The following SUGCT variants were observed in gnomAD, a reference collection of about 807,000 sequenced individuals.
SUGCT encodes succinyl-CoA:glutarate-CoA transferase.
A neutral mutation model predicts 55.0 loss-of-function variants in SUGCT; 41 were observed. The observed-to-expected ratio is 0.74, with a 90% confidence interval of 0.58 to 0.97. The LOEUF (loss-of-function observed/expected upper bound fraction) is 0.97. Among genes scored for constraint, SUGCT ranks in the 50% least tolerant of loss-of-function variants. The pLI, the probability that SUGCT is intolerant of heterozygous loss-of-function variation, is 0.00. For synonymous variants in SUGCT, 187 were observed against 200.4 expected (o/e 0.93, Z 0.56); for missense variants, 568 against 547.8 (o/e 1.04, Z -0.37).
chr7:40,336,842 G>C (rs1322620759), intron 9 of SUGCT, among the ~76,000 whole-genome samples: 2 of 150,362 alleles, frequency 1.3e-5, no homozygotes, highest in Non-Finnish European at 2.9e-5. Flanking sequence ...TGTGATGTTA[G>C]GGTGTCAATT....
intron 8 of SUGCT, among the ~76,000 whole-genome samples, chr7:40,297,258 C>T (rs988098499): frequency 3.9e-5 from 6 of 151,976 alleles, no homozygotes; most frequent in Admixed American, 2.0e-4. Context: ...TTACCTAAAG[C>T]GTTTACTTTT....
chr7:40,537,516 TA>T (rs1017118704), intron 12 of SUGCT, among the ~76,000 whole-genome samples: 1 of 152,030 alleles, frequency 6.6e-6, no homozygotes, highest in Non-Finnish European at 1.5e-5. Flanking sequence ...AACAAAAGAA[TA>T]AAAAAATGTA....
At chr7:40,272,105 A>G (rs1414666572) in intron 7 of SUGCT, among the ~76,000 whole-genome samples, 2 of 127,588 alleles carry the variant, frequency 1.6e-5, no homozygotes, top group Non-Finnish European at 1.6e-5. Context: ...CTATATATAT[A>G]TATATATGGA....
rs1800531853 is a variant in SUGCT, at chr7:40,646,677, T to G, written c.1090-102757T>G. 2.0e-5 allele frequency among the ~76,000 whole-genome samples: 3 copies of G among 152,152 alleles called. No individual in the cohort carries two copies. In the South Asian group the frequency reaches 6.2e-4, roughly 32 times the overall value. ...TACTTTCATCCTTGAAGTTTTTAAT[T>G]TATTGTCACCTCCACAAACAGGCCT... is the stretch of plus-strand genomic sequence containing the variant. On this transcript the variant is annotated intron_variant, in intron 12 of 13. Coordinates refer to ENST00000335693, the MANE Select transcript of SUGCT (RefSeq NM_001193313.2).
the SUGCT span, among the ~76,000 whole-genome samples, chr7:40,926,099 T>TAA: frequency 6.8e-6 from 1 of 146,112 alleles, no homozygotes; most frequent in Non-Finnish European, 1.5e-5. Flanking sequence ...AGTTCCTGTT[T>TAA]AAAAAAAAAA....
rs181361049 is a variant in SUGCT at position 40,339,052 on chromosome 7, C to T, written c.816+22197C>T. Among the ~76,000 whole-genome samples, 956 of 152,310 alleles carry T rather than the reference C, an allele frequency of 6.3e-3. 31 individuals carry two copies. The highest frequency in any genetic ancestry group is 0.057 in the Admixed American group (872 of 15,294). ...GCCTGGGTATCAGCAGTGGAGGCTA[C>T]AGAACAGTGAACATTGCTGAACAGC... On this transcript the variant is annotated intron_variant, in intron 9 of 13. Transcript: ENST00000335693.
intron 12 of SUGCT, among the ~76,000 whole-genome samples, chr7:40,568,633 C>A (rs548489472): frequency 6.0e-4 from 91 of 152,230 alleles, no homozygotes; most frequent in African/African-American, 2.1e-3. Flanking sequence ...CATGGCTTGT[C>A]CAGACATCTT....
the SUGCT span, chr7:40,965,010 G>A: frequency 0.88 from 134,044 of 152,254 alleles, 59,140 homozygotes; most frequent in African/African-American, 0.93. Flanking sequence ...AGACCGATAA[G>A]AGCTTCATAT....
chr7:40,242,309 G>A (rs563270904), intron 7 of SUGCT, among the ~76,000 whole-genome samples: 1 of 152,060 alleles, frequency 6.6e-6, no homozygotes, highest in South Asian at 2.1e-4. Context: ...CAGTAGCTGG[G>A]ATTATAGGCA....
intron 9 of SUGCT, among the ~76,000 whole-genome samples, chr7:40,330,301 A>C (rs1017257737): frequency 6.6e-6 from 1 of 152,158 alleles, no homozygotes; most frequent in Non-Finnish European, 1.5e-5. Flanking sequence ...TCTTGTAGGG[A>C]GTTAGTTTCA....
At chr7:40,390,063 G>T (rs948382314) in intron 9 of SUGCT, among the ~76,000 whole-genome samples, 1 of 152,086 alleles carries the variant, frequency 6.6e-6, no homozygotes, top group Admixed American at 6.5e-5. Flanking sequence ...ATGCAGAAAA[G>T]GCCTTCGACA....
chr7:40,802,304 A>G (rs1325250952), intron 13 of SUGCT, among the ~76,000 whole-genome samples: 2 of 151,834 alleles, frequency 1.3e-5, no homozygotes, highest in Non-Finnish European at 2.9e-5. Context: ...TGGTGTCAGC[A>G]CTCAGACACA....
At chr7:40,212,843 G>C (rs1474587416) in intron 6 of SUGCT, among the ~76,000 whole-genome samples, 1 of 152,050 alleles carries the variant, frequency 6.6e-6, no homozygotes, top group Non-Finnish European at 1.5e-5. Flanking sequence ...TATAGTTGAA[G>C]ATTTTAATGC....
At chr7:40,584,708 G>A (rs1467467832) in intron 12 of SUGCT, among the ~76,000 whole-genome samples, 1 of 152,222 alleles carries the variant, frequency 6.6e-6, no homozygotes, top group Non-Finnish European at 1.5e-5. Context: ...GATGGTGATA[G>A]AGCTGGGATT....
intron 12 of SUGCT, among the ~76,000 whole-genome samples, chr7:40,596,134 T>A (rs1797998629): frequency 6.6e-6 from 1 of 152,212 alleles, no homozygotes; most frequent in African/African-American, 2.4e-5. Flanking sequence ...ATGAGCTGTG[T>A]GACTTACTTT....
At chr7:40,353,009 A>T (rs1218387656) in intron 9 of SUGCT, among the ~76,000 whole-genome samples, 1 of 152,092 alleles carries the variant, frequency 6.6e-6, no homozygotes, top group Non-Finnish European at 1.5e-5. Context: ...GTTTTGATTT[A>T]CATTTCTCTA....
At chr7:40,917,400 G>A in the SUGCT span, among the ~76,000 whole-genome samples, 1 of 152,122 alleles carries the variant, frequency 6.6e-6, no homozygotes, top group Non-Finnish European at 1.5e-5. Context: ...CTCAAATTTA[G>A]AGGCTCAAAG....
intron 13 of SUGCT, among the ~76,000 whole-genome samples, chr7:40,761,874 G>C (rs973066203): frequency 5.9e-5 from 9 of 152,154 alleles, no homozygotes; most frequent in Non-Finnish European, 1.2e-4. Flanking sequence ...ATTTTCTTTT[G>C]TTTTTTTAGC....
chr7:40,700,108 CATTGA>C (rs1785112905), intron 12 of SUGCT, among the ~76,000 whole-genome samples: 1 of 152,130 alleles, frequency 6.6e-6, no homozygotes, highest in Non-Finnish European at 1.5e-5. Context: ...AGGAAGATGA[CATTGA>C]TAAGTGTGGG....
Sources: gnomAD v4.1 joint callset for allele counts (sites outside exome capture counted in the v4.1 genomes callset) on GRCh38, gnomAD v4.1.1 for gene constraint, MANE v1.5 for transcripts, NCBI Gene and HGNC (gene_info 2026-07-23, HGNC 2026-07-21) for gene names.